Variants in BCAR3 observed in about 807,000 individuals in gnomAD.
BCAR3 encodes the protein breast cancer anti-estrogen resistance protein 3.
A neutral mutation model predicts 80.1 loss-of-function variants in BCAR3; 37 were observed. That is an observed-to-expected ratio of 0.46 (90% CI 0.36 to 0.61). BCAR3 has a LOEUF of 0.61. Ranked by LOEUF, BCAR3 falls within the 20% of genes least tolerant of loss-of-function variation. The pLI, the probability that BCAR3 is intolerant of heterozygous loss-of-function variation, is 0.00. For missense variants in BCAR3, 978 were observed against 1,068.2 expected, an observed-to-expected ratio of 0.92 and a Z score of 1.18; for synonymous variants, 389 against 418.9, an observed-to-expected ratio of 0.93 and a Z score of 0.87.
chr1:93,819,254 C>T lies in BCAR3; in HGVS notation c.-63+26313G>A, dbSNP rs113053484. On this transcript the variant is annotated intron_variant, in intron 2 of 13. Transcript: ENST00000370244. ...GTTATTTTTGTATTTTTAGTAGAGACGGGGTTTCACCACGTTGGCCAGGAT... is the reference window on the plus strand; with the variant it reads ...GTTATTTTTGTATTTTTAGTAGAGATGGGGTTTCACCACGTTGGCCAGGAT... Among the ~76,000 whole-genome samples the T allele has an allele frequency of 8.7e-4, 132 of 152,234 alleles. 1 individual carries two copies. The highest frequency in any genetic ancestry group is 2.6e-3 in the African/African-American group (107 of 41,554).
intron 2 of BCAR3, among the ~76,000 whole-genome samples, chr1:93,738,429 C>T (rs557381229): frequency 1.3e-5 from 2 of 152,342 alleles, no homozygotes; most frequent in East Asian, 1.9e-4. Context: ...CTGAGCCTAC[C>T]CTGCAGGCCG....
At chr1:93,692,997 T>C (rs916595647) in intron 3 of BCAR3, among the ~76,000 whole-genome samples, 13 of 152,152 alleles carry the variant, frequency 8.5e-5, no homozygotes, top group Non-Finnish European at 1.8e-4. Flanking sequence ...GGAACCCACA[T>C]TGAAGGTTCA....
chr1:93,647,576 A>C (rs976045422), intron 2 of BCAR3, among the ~76,000 whole-genome samples: 6 of 152,188 alleles, frequency 3.9e-5, no homozygotes, highest in African/African-American at 1.4e-4. Context: ...GTTCTACGGG[A>C]CAGTGATATT....
chr1:93,566,524 T>C (rs1672958889), intron 11 of BCAR3, among the ~76,000 whole-genome samples: 1 of 152,126 alleles, frequency 6.6e-6, no homozygotes, highest in East Asian at 1.9e-4. Context: ...TCTGTCACCA[T>C]AGCACTTGTA....
At chr1:93,648,050 A>G (rs185127100) in intron 2 of BCAR3, among the ~76,000 whole-genome samples, 1 of 152,300 alleles carries the variant, frequency 6.6e-6, no homozygotes, top group East Asian at 1.9e-4. Context: ...CTGGGATTAC[A>G]GATGTGAGCC....
chr1:93,580,238 G>T (rs1279728161), intron 7 of BCAR3, among the ~76,000 whole-genome samples: 3 of 152,188 alleles, frequency 2.0e-5, no homozygotes, highest in African/African-American at 2.4e-5. Flanking sequence ...CTCCCTGCAG[G>T]AGTGTTCTGA....
At position 93,768,861 on chromosome 1, in the gene BCAR3, C is replaced by A. The variant is rs150198658; in HGVS notation, c.-62-62719G>T. Among the ~76,000 whole-genome samples, 24 of 152,264 alleles carry A rather than the reference C, an allele frequency of 1.6e-4. No individual in the cohort carries two copies. In the East Asian group the frequency reaches 4.6e-3, roughly 29 times the overall value. On this transcript the variant is annotated intron_variant, in intron 2 of 13. Transcript: ENST00000370244. ...CAAGCCATAAAATCCCTCTTCTGGTCCCCAGCAAGCACTGATTCTGTGGTA... is the reference window on the plus strand; with the variant it reads ...CAAGCCATAAAATCCCTCTTCTGGTACCCAGCAAGCACTGATTCTGTGGTA...
intron 3 of BCAR3, chr1:93,600,846 C>G (rs1003110796): frequency 6.6e-6 from 1 of 152,368 alleles, no homozygotes; most frequent in East Asian, 1.9e-4. Flanking sequence ...CCTTGAAGGC[C>G]AAGCAGAGAC....
At chr1:93,723,668 A>G (rs1161097102) in intron 2 of BCAR3, 1 of 151,932 alleles carries the variant, frequency 6.6e-6, no homozygotes, top group East Asian at 1.9e-4. Context: ...GAACAACAAG[A>G]CTTGGGAGGT....
chr1:93,727,964 A>G (rs925494570), intron 2 of BCAR3, among the ~76,000 whole-genome samples: 1 of 152,212 alleles, frequency 6.6e-6, no homozygotes, highest in Non-Finnish European at 1.5e-5. Context: ...GACACAGGGG[A>G]GAAAGCCATG....
rs386367700 is a variant in BCAR3, at chr1:93,784,199, G to GAA, written c.-63+61366_-63+61367dup. On this transcript the variant is annotated intron_variant, in intron 2 of 13. Coordinates refer to the BCAR3 transcript ENST00000370244. ...CCTGCCCAAATAATGGATCTGTAAA[G>GAA]AAAAAAAAAAAAAAAAAGATTGACA... 1.0e-2 allele frequency among the ~76,000 whole-genome samples: 866 copies of GAA among 86,846 alleles called. 7 individuals carry two copies. The highest frequency in any genetic ancestry group is 0.029 in the African/African-American group (798 of 27,638). 57.0% of individuals were successfully genotyped at this position (86,846 alleles called of 152,430 possible).
intron 2 of BCAR3, among the ~76,000 whole-genome samples, chr1:93,740,414 AT>A (rs947816438): frequency 2.0e-5 from 3 of 152,300 alleles, no homozygotes; most frequent in African/African-American, 7.2e-5. Flanking sequence ...CTCAGACAGA[AT>A]CTCCCTGCAA....
intron 2 of BCAR3, among the ~76,000 whole-genome samples, chr1:93,819,690 C>T (rs1259896105): frequency 3.3e-5 from 5 of 152,208 alleles, no homozygotes; most frequent in Admixed American, 1.3e-4. Flanking sequence ...GTGCGAGTAT[C>T]TTTTCACCTA....
chr1:93,769,154 C>T (rs962490521), intron 2 of BCAR3, among the ~76,000 whole-genome samples: 3 of 152,158 alleles, frequency 2.0e-5, no homozygotes, highest in African/African-American at 7.2e-5. Context: ...AAAAGCACAG[C>T]TGGCAAGCAC....
intron 2 of BCAR3, among the ~76,000 whole-genome samples, chr1:93,801,452 T>C (rs1269007814): frequency 6.6e-6 from 1 of 152,246 alleles, no homozygotes; most frequent in African/African-American, 2.4e-5. Flanking sequence ...ATCATTCTGA[T>C]GATTCCTTAG....
At chr1:93,568,712 G>A (rs1489577831) in intron 9 of BCAR3, among the ~76,000 whole-genome samples, 1 of 152,048 alleles carries the variant, frequency 6.6e-6, no homozygotes, top group East Asian at 1.9e-4. Context: ...CCCATTCCTT[G>A]CCTCAAAAGC....
chr1:93,818,248 CTG>C (rs1165371459), intron 2 of BCAR3, among the ~76,000 whole-genome samples: 1 of 152,222 alleles, frequency 6.6e-6, no homozygotes, highest in Non-Finnish European at 1.5e-5. Context: ...CTGTTGGTTT[CTG>C]TGTGATTACA....
intron 2 of BCAR3, among the ~76,000 whole-genome samples, chr1:93,744,441 G>C: frequency 6.6e-6 from 1 of 152,112 alleles, no homozygotes; most frequent in East Asian, 1.9e-4. Context: ...CTTTACATTA[G>C]CAACAAATGA....
rs563831840 is a variant in BCAR3, at chr1:93,815,382, T to C, written c.-63+30185A>G. Among the ~76,000 whole-genome samples, 9 of 152,238 alleles carry C rather than the reference T, an allele frequency of 5.9e-5. No individual in the cohort carries two copies. In the East Asian group the frequency reaches 9.6e-4, roughly 16 times the overall value. ...AAACATTTCTCAGCATAAACATGATTAGTTGTTTCTTTTCTTACTCGAATT... is the reference window on the plus strand; with the variant it reads ...AAACATTTCTCAGCATAAACATGATCAGTTGTTTCTTTTCTTACTCGAATT... On this transcript the variant is annotated intron_variant, in intron 2 of 13. Transcript: ENST00000370244.
Sources: gnomAD v4.1 joint callset for allele counts (sites outside exome capture counted in the v4.1 genomes callset) on GRCh38, gnomAD v4.1.1 for gene constraint, MANE v1.5 for transcripts, NCBI Gene and HGNC (gene_info 2026-07-23, HGNC 2026-07-21) for gene names.